The following TTC7A variants were observed in gnomAD, a reference collection of about 807,000 sequenced individuals.
The protein encoded by TTC7A is tetratricopeptide repeat protein 7A.
In TTC7A, 110 loss-of-function variants were observed where a neutral mutation model predicts 103.7. The observed-to-expected ratio is 1.06, with a 90% CI of 0.91 to 1.24. The LOEUF is 1.24. Among genes scored for constraint, TTC7A ranks in the 50% most tolerant of loss-of-function variants. The probability of loss-of-function intolerance (pLI) is 0.00; values close to 1 mark genes in which losing one functional copy is unlikely to be tolerated. For missense variants in TTC7A, 1,340 were observed against 1,116.3 expected, an observed-to-expected ratio of 1.20 and a Z score of -2.86; for synonymous variants, 521 against 467.9, an observed-to-expected ratio of 1.11 and a Z score of -1.47.
chr2:46,975,224 C>G, intron 4 of TTC7A, 121 bp downstream of exon 4: 1 of 1,293,926 alleles, frequency 7.7e-7, no homozygotes, highest in Non-Finnish European at 1.1e-6. Flanking sequence ...CTCTGTCCCC[C>G]AAAGACACTC....
intron 3 of TTC7A, among the ~76,000 whole-genome samples, chr2:46,969,193 A>G (rs990610501): frequency 4.6e-5 from 6 of 130,238 alleles, no homozygotes; most frequent in African/African-American, 1.7e-4. Flanking sequence ...TTATGTGTAT[A>G]TAAGAGTTTG....
intron 3 of TTC7A, chr2:46,974,755 C>T: frequency 1.6e-6 from 1 of 630,418 alleles, no homozygotes; most frequent in Non-Finnish European, 2.9e-6. Flanking sequence ...TGGGGTGATG[C>T]ACTGTGATTC....
chr2:46,918,822 AC>A (rs1668950875), intron 2 of TTC7A, among the ~76,000 whole-genome samples: 3 of 152,222 alleles, frequency 2.0e-5, no homozygotes, highest in African/African-American at 7.2e-5. Context: ...GAGAAGGGCA[AC>A]TCTACGTTGG....
In TTC7A at chr2:47,060,669, A is replaced by ACCT. The variant is rs1683696022; in HGVS notation, c.2153-99_2153-97dup. 1.4e-5 allele frequency: 16 copies of ACCT among 1,109,450 alleles called. No individual in the cohort carries two copies. The South Asian group carries it at 2.4e-4, about 17-fold the overall frequency. The allele number at this position is 1,109,450 out of a possible 1,614,324, so 68.7% of individuals were successfully genotyped here. A position where few individuals can be genotyped will look rare whatever the true frequency, so the allele number is the denominator to read the frequency against. On this transcript the variant is annotated intron_variant, in intron 18 of 19. Transcript: ENST00000319190. Reference sequence around the variant, plus strand: ...GTGATTTGGTGGGATAGAGTTTGTCACCTAAGACTAGTTCCCTGGCTCTGA... The same window carrying ACCT: ...GTGATTTGGTGGGATAGAGTTTGTCACCTCCTAAGACTAGTTCCCTGGCTCTGA...
At chr2:47,071,669 A>C (rs376015603) in intron 19 of TTC7A, among the ~76,000 whole-genome samples, 2 of 152,292 alleles carry the variant, frequency 1.3e-5, no homozygotes, top group African/African-American at 4.8e-5. Flanking sequence ...GCTTCCGGCC[A>C]GCAAGCCCTG....
chr2:46,974,904 C>A, intron 3 of TTC7A, 69 bp from the exon 4 acceptor site: 2 of 1,582,690 alleles, frequency 1.3e-6, no homozygotes, highest in South Asian at 1.1e-5. Flanking sequence ...CCACCTTCGG[C>A]CCATGGGGAG....
chr2:46,971,719 C>A lies in TTC7A; in HGVS notation c.518-3254C>A, dbSNP rs1572767917. ...CTTGGTCATTAGGTGGATGTTGGGG[C>A]TTATAGGGCAGGAAACAGTTGAGGA... On this transcript the variant is annotated intron_variant, in intron 3 of 19. Transcript: ENST00000319190. 3.3e-5 allele frequency among the ~76,000 whole-genome samples: 5 copies of A among 152,036 alleles called. No individual in the cohort carries two copies. In the East Asian group the frequency reaches 9.7e-4, roughly 29 times the overall value.
At chr2:46,967,288 A>G (rs529805316) in intron 3 of TTC7A, among the ~76,000 whole-genome samples, 20 of 152,320 alleles carry the variant, frequency 1.3e-4, no homozygotes, top group Admixed American at 3.3e-4. Flanking sequence ...GTTCGGTACT[A>G]AGACACTGTT....
At chr2:46,994,958 G>A (rs191300043) in intron 7 of TTC7A, among the ~76,000 whole-genome samples, 178 bp from the exon 8 acceptor site, 2 of 152,186 alleles carry the variant, frequency 1.3e-5, no homozygotes, top group South Asian at 2.1e-4. Context: ...ACCACCCACC[G>A]CAGCCTTTCA....
intron 3 of TTC7A, among the ~76,000 whole-genome samples, chr2:46,965,418 C>T (rs932406300): frequency 6.6e-6 from 1 of 152,136 alleles, no homozygotes; most frequent in Non-Finnish European, 1.5e-5. Flanking sequence ...GCTGTCTTGG[C>T]CCCAGGTGAG....
At chr2:47,065,936 T>G (rs1437350259) in intron 19 of TTC7A, 5 of 152,078 alleles carry the variant, frequency 3.3e-5, no homozygotes, top group Non-Finnish European at 5.9e-5. Context: ...TCCTGGTCCC[T>G]CCCCTTCCCC....
At chr2:46,918,257 AC>A (rs1668917840) in intron 2 of TTC7A, among the ~76,000 whole-genome samples, 1 of 152,164 alleles carries the variant, frequency 6.6e-6, no homozygotes, top group African/African-American at 2.4e-5. Context: ...CTAAAATTCT[AC>A]GAGCTGTTTT....
Position 46,967,275 on chromosome 2 carries a change from A to G in TTC7A, c.518-7698A>G, listed in dbSNP as rs143482304. Among the ~76,000 whole-genome samples, 563 of 152,308 alleles carry G rather than the reference A, an allele frequency of 3.7e-3. 11 individuals are homozygous for G. Among genetic ancestry groups the G allele is most frequent in the African/African-American group, 0.013 (542 of 41,556 alleles). On this transcript the variant is annotated intron_variant, in intron 3 of 19. Coordinates refer to ENST00000319190, the MANE Select transcript of TTC7A (RefSeq NM_020458.4). ...GACCATCTTAACCACTTTTAAGCGT[A>G]CAGTTCGGTACTAAGACACTGTTGT...
chr2:47,033,577 C>T (rs1403394159), intron 15 of TTC7A, among the ~76,000 whole-genome samples: 7 of 152,214 alleles, frequency 4.6e-5, no homozygotes, highest in South Asian at 2.1e-4. Context: ...GGTCCCAGCC[C>T]TTGAGTCATG....
chr2:46,967,429 C>G (rs1484248353), intron 3 of TTC7A, among the ~76,000 whole-genome samples: 1 of 152,162 alleles, frequency 6.6e-6, no homozygotes, highest in Non-Finnish European at 1.5e-5. Flanking sequence ...CTCCCCTAAC[C>G]CCTGGCAACC....
intron 8 of TTC7A, among the ~76,000 whole-genome samples, chr2:47,004,216 G>T (rs935535931): frequency 6.6e-6 from 1 of 152,230 alleles, no homozygotes; most frequent in African/African-American, 2.4e-5. Flanking sequence ...CAACAGGGCA[G>T]CCATCAGAAC....
At chr2:46,958,872 C>T (rs978912015) in intron 3 of TTC7A, among the ~76,000 whole-genome samples, 6 of 152,296 alleles carry the variant, frequency 3.9e-5, no homozygotes, top group Admixed American at 1.3e-4. Context: ...GTCCTGACTC[C>T]GTCTGTGAGC....
At chr2:47,035,131 G>C (rs1680967397) in intron 15 of TTC7A, 1 of 152,158 alleles carries the variant, frequency 6.6e-6, no homozygotes. Context: ...ATTCCAATGA[G>C]CAGGGGGGAT....
At chr2:46,999,763 T>C (rs1676602931) in intron 8 of TTC7A, 1 of 985,454 alleles carries the variant, frequency 1.0e-6, no homozygotes, top group Non-Finnish European at 1.2e-6. Context: ...GAAATACTGA[T>C]CTGGGGCATA....
Sources: allele counts gnomAD v4.1 joint callset (sites outside exome capture counted in the v4.1 genomes callset), GRCh38; gene constraint gnomAD v4.1.1; transcripts MANE v1.5; gene names NCBI Gene and HGNC (gene_info 2026-07-23, HGNC 2026-07-21).